CDC42BPA: variants seen among roughly 807,000 people sequenced by gnomAD.
CDC42BPA encodes the protein CDC42 binding protein kinase alpha.
Under a neutral mutation model 223.5 loss-of-function variants are expected in CDC42BPA, and 80 were observed. That is an observed-to-expected ratio of 0.36 (90% CI 0.30 to 0.43). The LOEUF is 0.43. Ranked by LOEUF, CDC42BPA falls within the 20% of genes least tolerant of loss-of-function variation. The pLI, the probability that CDC42BPA is intolerant of heterozygous loss-of-function variation, is 1.00. For missense variants in CDC42BPA, 1,743 were observed against 2,099.9 expected, an observed-to-expected ratio of 0.83 and a Z score of 3.32; for synonymous variants, 694 against 718.6, an observed-to-expected ratio of 0.97 and a Z score of 0.55.
chr1:227,050,743 T>C (rs1262802182), intron 22 of CDC42BPA, among the ~76,000 whole-genome samples: 26 of 152,158 alleles, frequency 1.7e-4, no homozygotes, highest in Admixed American at 1.6e-3. Context: ...GTATCATTTG[T>C]GGATACAAAT....
At chr1:227,124,583 G>GA (rs1244389772) in intron 11 of CDC42BPA, among the ~76,000 whole-genome samples, 1 of 152,108 alleles carries the variant, frequency 6.6e-6, no homozygotes, top group Admixed American at 6.6e-5. Flanking sequence ...AGGAAAGAAA[G>GA]AAAGGGTAGG....
chr1:227,035,691 T>G, intron 24 of CDC42BPA, 84 bp from the exon 25 acceptor site: 2 of 920,978 alleles, frequency 2.2e-6, no homozygotes, highest in Non-Finnish European at 3.2e-6. Context: ...TACAAGATGC[T>G]ATGTTAGATG....
In CDC42BPA at chr1:227,026,076, A is replaced by T; in HGVS notation, c.4509T>A (p.Ile1503=). ...TTACCTTTTTGAGAGGAAGAGTCTG[A>T]ATCCATTCCATGGAGTTCACATCAA... The part of the protein sequence containing the change: ...DIFDVNSMEW[I]QTLPLKKVRP... Residue 1503 remains isoleucine, a synonymous_variant, in exon 31 of 37, where the codon ATT becomes ATA. Transcript: ENST00000366766. The T allele has an allele frequency of 6.3e-7, 1 of 1,597,360 alleles. No homozygotes were observed. Among genetic ancestry groups the T allele is most frequent in the Non-Finnish European group, 8.6e-7 (1 of 1,167,068 alleles).
Position 227,047,929 on chromosome 1 carries a change from T to C in CDC42BPA, c.3091A>G (p.Lys1031Glu). 6.3e-7 allele frequency: 1 copy of C among 1,592,896 alleles called. No homozygotes were observed. The highest frequency in any genetic ancestry group is 1.1e-5 in the South Asian group (1 of 90,520). ...ATGCTTATAACTAGATTGAGTACCT[T>C]AGGTGGAAAGCCAGTTGAACCAGGA... The part of the protein sequence containing the change: ...GCPGSTGFPP[K>E]RKTHQFFVKS... The change falls in exon 23 of 37, where the codon AAG becomes GAG. Residue 1031 changes from lysine (K) to glutamate (E), a missense_variant and splice_region_variant. Transcript: ENST00000366766.
chr1:227,111,236 T>C (rs1447298259), intron 14 of CDC42BPA, among the ~76,000 whole-genome samples: 3 of 152,080 alleles, frequency 2.0e-5, no homozygotes, highest in Non-Finnish European at 4.4e-5. Flanking sequence ...CTGACAGATA[T>C]AGCAGAGAAA....
At chr1:227,012,178 A>G (rs1014700300) in intron 34 of CDC42BPA, among the ~76,000 whole-genome samples, 2 of 152,218 alleles carry the variant, frequency 1.3e-5, no homozygotes, top group Admixed American at 6.5e-5. Flanking sequence ...TACTTTTATT[A>G]ACAATTTTAG....
chr1:227,033,907 C>T (rs368153037), intron 26 of CDC42BPA, among the ~76,000 whole-genome samples: 1 of 152,142 alleles, frequency 6.6e-6, no homozygotes, highest in South Asian at 2.1e-4. Flanking sequence ...ATTTGTGATT[C>T]TTTTCCCTAT....
chr1:227,207,736 G>A (rs1673059695), intron 3 of CDC42BPA, among the ~76,000 whole-genome samples: 3 of 146,184 alleles, frequency 2.1e-5, no homozygotes, highest in Non-Finnish European at 4.5e-5. Context: ...TGGTGTATAT[G>A]TGCCACATTT....
At chr1:227,206,917 T>A (rs374591633) in intron 3 of CDC42BPA, among the ~76,000 whole-genome samples, 1 of 151,670 alleles carries the variant, frequency 6.6e-6, no homozygotes, top group Non-Finnish European at 1.5e-5. Context: ...GGACTACTTA[T>A]CTTTTTTATT....
At chr1:227,227,730 G>C (rs1474554694) in intron 2 of CDC42BPA, among the ~76,000 whole-genome samples, 1 of 152,024 alleles carries the variant, frequency 6.6e-6, no homozygotes, top group Non-Finnish European at 1.5e-5. Context: ...AGGAAATAAA[G>C]GTTAGACAAG....
intron 1 of CDC42BPA, among the ~76,000 whole-genome samples, chr1:227,311,799 TTC>T (rs1275466717): frequency 5.9e-5 from 9 of 152,216 alleles, no homozygotes; most frequent in South Asian, 4.1e-4. Flanking sequence ...TTCATTCTCA[TTC>T]TCTGTCTCCC....
chr1:227,084,932 A>G (rs2149182330), intron 16 of CDC42BPA, among the ~76,000 whole-genome samples: 1 of 152,286 alleles, frequency 6.6e-6, no homozygotes, highest in Non-Finnish European at 1.5e-5. Context: ...CCTGAACAGA[A>G]CAAAAAGGCT....
chr1:227,038,155 T>A (rs374410485), intron 24 of CDC42BPA, among the ~76,000 whole-genome samples: 23,262 of 151,666 alleles, frequency 0.15, 2,166 homozygotes, highest in African/African-American at 0.25. Context: ...TCTGTGCTGC[T>A]CTGGTGATAG....
intron 35 of CDC42BPA, among the ~76,000 whole-genome samples, chr1:227,002,507 T>C (rs1456978348): frequency 1.3e-5 from 2 of 152,334 alleles, no homozygotes; most frequent in South Asian, 2.1e-4. Context: ...GGCTCCAAGA[T>C]GATCGTCCCT....
At chr1:227,071,952 G>A (rs1678471098) in intron 20 of CDC42BPA, among the ~76,000 whole-genome samples, 1 of 151,660 alleles carries the variant, frequency 6.6e-6, no homozygotes, top group East Asian at 1.9e-4. Context: ...TCAAATTTAT[G>A]GCAAAGTGTC....
At chr1:227,112,595 A>G (rs941747850) in intron 13 of CDC42BPA, 76 bp downstream of exon 13, 58 of 1,173,506 alleles carry the variant, frequency 4.9e-5, no homozygotes, top group Middle Eastern at 2.2e-4. Context: ...TAAAAATTAT[A>G]TATTATATTA....
At chr1:227,018,554 T>TTATAGACACATA (rs1472032418) in intron 32 of CDC42BPA, among the ~76,000 whole-genome samples, 4 of 152,214 alleles carry the variant, frequency 2.6e-5, no homozygotes, top group African/African-American at 9.6e-5. Flanking sequence ...AGGTTTTGTC[T>TTATAGACACATA]TATAGACACA....
intron 21 of CDC42BPA, among the ~76,000 whole-genome samples, chr1:227,053,924 C>T (rs1201664549): frequency 1.3e-5 from 2 of 152,126 alleles, no homozygotes; most frequent in Non-Finnish European, 2.9e-5. Flanking sequence ...TAAGATTATA[C>T]ACATTGCAAG....
chr1:227,253,110 T>C (rs552103113), intron 2 of CDC42BPA, among the ~76,000 whole-genome samples: 18 of 152,264 alleles, frequency 1.2e-4, no homozygotes, highest in South Asian at 2.1e-4. Flanking sequence ...CTCAGTAGTA[T>C]TGTTAAAATG....
Sources: allele counts gnomAD v4.1 joint callset (sites outside exome capture counted in the v4.1 genomes callset), GRCh38; gene constraint gnomAD v4.1.1; transcripts MANE v1.5; gene names NCBI Gene and HGNC (gene_info 2026-07-23, HGNC 2026-07-21).